The following KCNMA1 variants were observed in gnomAD, a reference collection of about 807,000 sequenced individuals.
The protein encoded by KCNMA1 is potassium calcium-activated channel subfamily M alpha 1, also known as Calcium-activated potassium channel subunit alpha-1.
KCNMA1 carries 29 observed loss-of-function variants against 140.0 expected under a neutral mutation model. The observed-to-expected ratio is 0.21, with a 90% confidence interval of 0.15 to 0.28. The LOEUF (loss-of-function observed/expected upper bound fraction) is 0.28. Among genes scored for constraint, KCNMA1 ranks in the 10% least tolerant of loss-of-function variants. The pLI, the probability that KCNMA1 is intolerant of heterozygous loss-of-function variation, is 1.00. For synonymous variants in KCNMA1, 612 were observed against 611.9 expected (o/e 1.00, Z 0.00); for missense variants, 880 against 1,602.2 (o/e 0.55, Z 7.70).
In KCNMA1 at chr10:77,608,998, C is replaced by T. The variant is rs57078514; in HGVS notation, c.378+28267G>A. Among the ~76,000 whole-genome samples, 1,467 of 152,162 alleles carry T rather than the reference C, an allele frequency of 9.6e-3. 18 individuals are homozygous for T. Among genetic ancestry groups the T allele is most frequent in the African/African-American group, 0.033 (1,381 of 41,492 alleles). On this transcript the variant is annotated intron_variant, in intron 1 of 27. Transcript: ENST00000286628. ...GAACCCTGTTACACTGTTGGTGGGACTGTAAATTGATAAAGTCATTATGGA... is the reference window on the plus strand; with the variant it reads ...GAACCCTGTTACACTGTTGGTGGGATTGTAAATTGATAAAGTCATTATGGA...
chr10:77,535,970 A>G (rs999923043), intron 1 of KCNMA1, among the ~76,000 whole-genome samples: 1 of 152,244 alleles, frequency 6.6e-6, no homozygotes, highest in Non-Finnish European at 1.5e-5. Context: ...TCTAGTGTTC[A>G]GTAGCACAAC....
At chr10:77,316,457 C>G (rs1419196836) in intron 2 of KCNMA1, among the ~76,000 whole-genome samples, 2 of 152,158 alleles carry the variant, frequency 1.3e-5, no homozygotes, top group Non-Finnish European at 2.9e-5. Context: ...TAGACCAACT[C>G]AAACTTGAGC....
At chr10:77,557,449 C>T (rs2064897510) in intron 1 of KCNMA1, among the ~76,000 whole-genome samples, 1 of 152,156 alleles carries the variant, frequency 6.6e-6, no homozygotes, top group African/African-American at 2.4e-5. Context: ...ATGAGACAAG[C>T]ATGTAGTTCA....
At chr10:77,071,576 C>CA (rs1258764929) in intron 14 of KCNMA1, 1 of 152,238 alleles carries the variant, frequency 6.6e-6, no homozygotes, top group African/African-American at 2.4e-5. Flanking sequence ...CACAGCTACA[C>CA]AGACCTCCCT....
chr10:77,310,722 C>T (rs138365964), intron 2 of KCNMA1, among the ~76,000 whole-genome samples: 101 of 152,246 alleles, frequency 6.6e-4, no homozygotes, highest in Non-Finnish European at 1.1e-3. Context: ...AACAAGTTGT[C>T]GTGGCAGCTT....
intron 3 of KCNMA1, among the ~76,000 whole-genome samples, chr10:77,225,704 T>C (rs79454722): frequency 0.025 from 3,807 of 152,276 alleles, 160 homozygotes; most frequent in African/African-American, 0.086. Flanking sequence ...TGTGGCCTTC[T>C]TCCTGTGGCC....
At chr10:77,338,701 G>A (rs1045304107) in intron 2 of KCNMA1, among the ~76,000 whole-genome samples, 47 of 152,050 alleles carry the variant, frequency 3.1e-4, no homozygotes, top group African/African-American at 1.1e-3. Context: ...TGTTCATCTG[G>A]GCAGGTTGGA....
chr10:76,969,214 A>T (rs72803376), intron 20 of KCNMA1, among the ~76,000 whole-genome samples: 1 of 146,344 alleles, frequency 6.8e-6, no homozygotes, highest in Non-Finnish European at 1.5e-5. Flanking sequence ...TTACCAGAGG[A>T]AGCCATAGTC....
intron 1 of KCNMA1, among the ~76,000 whole-genome samples, chr10:77,542,994 T>C (rs1306620050): frequency 2.0e-5 from 3 of 151,794 alleles, no homozygotes; most frequent in African/African-American, 7.3e-5. Flanking sequence ...AACAGCAGCA[T>C]GAACAATCAA....
rs1598480614 is a variant in KCNMA1, at chr10:77,197,848, G to C, written c.603-12932C>G. Reference sequence around the variant, plus strand: ...CCTGGGTAAGAGTCGATATGAGAGAGGTGAGTTACTTCAGCAATGAGAGAC... The same window carrying C: ...CCTGGGTAAGAGTCGATATGAGAGACGTGAGTTACTTCAGCAATGAGAGAC... On this transcript the variant is annotated intron_variant, in intron 3 of 27. Transcript: ENST00000286628. 2.0e-5 allele frequency among the ~76,000 whole-genome samples: 3 copies of C among 152,156 alleles called. No homozygotes were observed. In the South Asian group the frequency reaches 6.2e-4, roughly 32 times the overall value.
At chr10:77,143,709 G>T (rs543123629) in intron 5 of KCNMA1, among the ~76,000 whole-genome samples, 2 of 151,896 alleles carry the variant, frequency 1.3e-5, no homozygotes, top group African/African-American at 2.4e-5. Flanking sequence ...GACACAAAAG[G>T]CACTCACATT....
At chr10:77,242,222 T>G (rs2057447588) in intron 3 of KCNMA1, among the ~76,000 whole-genome samples, 1 of 152,240 alleles carries the variant, frequency 6.6e-6, no homozygotes, top group Non-Finnish European at 1.5e-5. Flanking sequence ...GTTTTAATCA[T>G]CTATCATTGG....
intron 23 of KCNMA1, among the ~76,000 whole-genome samples, chr10:76,928,146 T>G (rs2058244154): frequency 6.6e-6 from 1 of 152,070 alleles, no homozygotes; most frequent in Admixed American, 6.6e-5. Context: ...TGCTCTTACT[T>G]ATGTTATTTG....
intron 18 of KCNMA1, among the ~76,000 whole-genome samples, chr10:77,009,433 T>C (rs924816003): frequency 2.6e-5 from 4 of 152,196 alleles, no homozygotes; most frequent in African/African-American, 7.2e-5. Flanking sequence ...TGTTCCACTA[T>C]GGCGTCCTAT....
At chr10:77,385,925 A>G (rs192303934) in intron 2 of KCNMA1, among the ~76,000 whole-genome samples, 17 of 152,348 alleles carry the variant, frequency 1.1e-4, no homozygotes, top group African/African-American at 3.8e-4. Flanking sequence ...TGTAGCTGCT[A>G]TAATGAGTGA....
chr10:77,556,502 CAAAAAAAAAAAAAAA>C (rs11446237), intron 1 of KCNMA1, among the ~76,000 whole-genome samples: 10 of 68,904 alleles, frequency 1.5e-4, no homozygotes, highest in Admixed American at 1.0e-3. Context: ...GGGACTATCT[CAAAAAAAAAAAAAAA>C]AAAAAAAAAG....
At chr10:77,456,026 A>C in intron 1 of KCNMA1, among the ~76,000 whole-genome samples, 1 of 152,256 alleles carries the variant, frequency 6.6e-6, no homozygotes, top group East Asian at 1.9e-4. Flanking sequence ...AAGACACTGC[A>C]AAAATTCAGC....
At chr10:77,280,845 T>A (rs1019041618) in intron 2 of KCNMA1, among the ~76,000 whole-genome samples, 2 of 152,196 alleles carry the variant, frequency 1.3e-5, no homozygotes, top group Non-Finnish European at 2.9e-5. Context: ...CAACTGGTTA[T>A]AACATCTGCC....
chr10:77,394,139 C>G (rs2095947192), intron 2 of KCNMA1, among the ~76,000 whole-genome samples: 1 of 152,222 alleles, frequency 6.6e-6, no homozygotes, highest in African/African-American at 2.4e-5. Context: ...AACAGCCATG[C>G]CAGCACTTGC....
Sources: allele counts gnomAD v4.1 joint callset (sites outside exome capture counted in the v4.1 genomes callset), GRCh38; gene constraint gnomAD v4.1.1; transcripts MANE v1.5; gene names NCBI Gene and HGNC (gene_info 2026-07-23, HGNC 2026-07-21).